The following CLCN2 variants were observed in gnomAD, a reference collection of about 807,000 sequenced individuals.
CLCN2 encodes chloride voltage-gated channel 2.
CLCN2 carries 72 observed loss-of-function variants against 108.3 expected under a neutral mutation model. That is an observed-to-expected ratio of 0.66 (90% CI 0.55 to 0.81). The LOEUF (loss-of-function observed/expected upper bound fraction) is 0.81, where lower values mean the gene tolerates loss of function less well. Among genes scored for constraint, CLCN2 ranks in the 30% least tolerant of loss-of-function variants. The probability of loss-of-function intolerance (pLI) is 0.00; values close to 1 mark genes in which losing one functional copy is unlikely to be tolerated. For missense variants in CLCN2, 1,048 were observed against 1,205.2 expected, an observed-to-expected ratio of 0.87 and a Z score of 1.93; for synonymous variants, 471 against 467.1, an observed-to-expected ratio of 1.01 and a Z score of -0.11.
At position 184,353,038 on chromosome 3, in the gene CLCN2, GGA is replaced by G. The variant is rs1560255987; in HGVS notation, c.2136_2137del (p.Pro713HisfsTer22). Reference sequence around the variant, plus strand: ...CACAGGAGACATGGGCTTACCTGTGGGACTCTCTCCGAGGTTCCTGGTGACAC... The same window carrying G: ...CACAGGAGACATGGGCTTACCTGTGGCTCTCTCCGAGGTTCCTGGTGACAC... On this transcript the variant is annotated frameshift_variant, in exon 18 of 24. Coordinates refer to ENST00000265593, the MANE Select transcript of CLCN2 (RefSeq NM_004366.6). LOFTEE classifies it high-confidence loss of function. 3.1e-6 allele frequency: 5 copies of G among 1,613,716 alleles called. No homozygotes were observed. The highest frequency in any genetic ancestry group is 4.2e-6 in the Non-Finnish European group (5 of 1,179,664).
Position 184,346,855 on chromosome 3 carries a change from C to G in CLCN2, c.2503-55G>C. On this transcript the variant is annotated intron_variant, in intron 23 of 23. Coordinates refer to ENST00000265593, the MANE Select transcript of CLCN2 (RefSeq NM_004366.6). The surrounding 1 kb of genome is among the most constrained non-coding windows in gnomAD (Gnocchi z 6.0). ...ACCCAGATGTCAGACTCCTCCCCGCCTTCCTCCCCAGGTGAGCTGGACATA... is the reference window on the plus strand; with the variant it reads ...ACCCAGATGTCAGACTCCTCCCCGCGTTCCTCCCCAGGTGAGCTGGACATA... 6.2e-7 allele frequency: 1 copy of G among 1,612,676 alleles called. No homozygotes were observed. The highest frequency in any genetic ancestry group is 2.2e-5 in the East Asian group (1 of 44,872).
intron 1 of CLCN2, 87 bp from the exon 2 acceptor site, chr3:184,359,218 T>C (rs1711664388): frequency 1.3e-6 from 2 of 1,500,746 alleles, no homozygotes; most frequent in African/African-American, 2.8e-5. Context: ...ACTCCTCTTC[T>C]CCCAGCCCCC....
In CLCN2 at chr3:184,346,683, C is replaced by T; in HGVS notation, c.2620G>A (p.Ala874Thr). The T allele has an allele frequency of 1.2e-6, 2 of 1,614,184 alleles. No individual in the cohort carries two copies. The highest frequency in any genetic ancestry group is 1.7e-6 in the Non-Finnish European group (2 of 1,180,034). The change falls in exon 24 of 24, where the codon GCA becomes ACA. Residue 874 changes from alanine to threonine, a missense_variant. By Grantham distance (58) the Ala-to-Thr change is moderately conservative. Transcript: ENST00000265593. The surrounding 1 kb of genome is among the most constrained non-coding windows in gnomAD (Gnocchi z 6.0). ...TGACGGGAGTGGGGCCCCCAGAGTG[C>T]ATGCACCTCAGTGGTCTCCGTGTCA... is the stretch of plus-strand genomic sequence containing the variant. ...SSDTETTEVH[A>T]LWGPHSRHGL...
Position 184,353,440 on chromosome 3 carries a change from A to C in CLCN2, c.1856-18T>G. 1 of 1,594,310 alleles carries C rather than the reference A, an allele frequency of 6.3e-7. No individual in the cohort carries two copies. The highest frequency in any genetic ancestry group is 2.3e-5 in the East Asian group (1 of 44,160). ...CATGGACTCTGGACAGAACAGGTGGAAGGACTCAGGAGCTGAGAGGGAGCC... is the reference window on the plus strand; with the variant it reads ...CATGGACTCTGGACAGAACAGGTGGCAGGACTCAGGAGCTGAGAGGGAGCC... On this transcript the variant is annotated intron_variant, in intron 16 of 23. Transcript: ENST00000265593.
At chr3:184,358,541 C>G in intron 3 of CLCN2, 141 bp downstream of exon 3, 3 of 1,234,420 alleles carry the variant, frequency 2.4e-6, no homozygotes, top group Non-Finnish European at 3.5e-6. Flanking sequence ...CGAGATGATG[C>G]CTGAATCTGG....
chr3:184,346,506 C>G lies in CLCN2; in HGVS notation c.*100G>C. The G allele has an allele frequency of 1.4e-6, 2 of 1,409,664 alleles. No homozygotes were observed. Among genetic ancestry groups the G allele is most frequent in the Non-Finnish European group, 2.0e-6 (2 of 1,012,786 alleles). 87.3% of individuals were successfully genotyped at this position (1,409,664 alleles called of 1,614,324 possible). ...GAGGGGGCTGGGGTGCAGCCTCCAG[C>G]TGTAGCTGCCTCCTGCCTTCCGAAG... On this transcript the variant is annotated 3_prime_UTR_variant, in exon 24 of 24. Transcript: ENST00000265593. This position sits in a 1 kb window ranked among gnomAD's most constrained non-coding sequence, Gnocchi z 6.0.
At chr3:184,347,169 TAATAAC>T (rs940643044) in intron 22 of CLCN2, 148 bp from the exon 23 acceptor site, 1 of 724,586 alleles carries the variant, frequency 1.4e-6, no homozygotes, top group Admixed American at 2.0e-5. Flanking sequence ...GGAGGGAAAA[TAATAAC>T]AATCGTAATA....
In CLCN2 at chr3:184,361,541, G is replaced by GGCCC. The variant is rs1453266464; in HGVS notation, c.-66_-63dup. 1.3e-6 allele frequency: 2 copies of GGCCC among 1,571,648 alleles called. No individual in the cohort carries two copies. The highest frequency in any genetic ancestry group is 1.7e-6 in the Non-Finnish European group (2 of 1,155,210). ...CGGCTCTGTCCTGGACTCGGCTCCC[G>GGCCC]GCCCGCAAAGTCCGCGCCGGCAGCC... On this transcript the variant is annotated 5_prime_UTR_variant, in exon 1 of 24. Transcript: ENST00000265593. This position sits in a 1 kb window ranked among gnomAD's most constrained non-coding sequence, Gnocchi z 6.6.
rs1215980338 is a variant in CLCN2, at chr3:184,355,109, C to T, written c.1327-136G>A. The T allele has an allele frequency of 7.8e-6, 7 of 891,944 alleles. No homozygotes were observed. Among genetic ancestry groups the T allele is most frequent in the Non-Finnish European group, 1.1e-5 (6 of 554,166 alleles). The allele number at this position is 891,944 out of a possible 1,614,324, so 55.3% of individuals were successfully genotyped here. ...AGCCACCCCGTAACCCTCCTAGCTA[C>T]CCTGGGACCCCCAGGCCTCCCAGGT... On this transcript the variant is annotated intron_variant, in intron 12 of 23. Coordinates refer to ENST00000265593, the MANE Select transcript of CLCN2 (RefSeq NM_004366.6). The surrounding 1 kb of genome is among the most constrained non-coding windows in gnomAD (Gnocchi z 6.3).
chr3:184,354,744 G>C (rs961220459), intron 13 of CLCN2, 86 bp from the exon 14 acceptor site: 10 of 1,347,550 alleles, frequency 7.4e-6, no homozygotes, highest in Admixed American at 1.7e-5. Context: ...GAGGGTGAGG[G>C]AGGGGCCAAC....
rs569729474 is a variant in CLCN2 at position 184,348,587 on chromosome 3, C to T, written c.2416-1566G>A. 4.6e-5 allele frequency: 7 copies of T among 151,978 alleles called. No individual in the cohort carries two copies. In the South Asian group the frequency reaches 8.3e-4, roughly 18 times the overall value. The allele number at this position is 151,978 out of a possible 1,614,324, so 9.4% of individuals were successfully genotyped here. ...TTCCTTCTGGCTAACTGGAGTCCTACGTGCTACAAGTTAGCTTTAATTTCC... is the reference window on the plus strand; with the variant it reads ...TTCCTTCTGGCTAACTGGAGTCCTATGTGCTACAAGTTAGCTTTAATTTCC... On this transcript the variant is annotated intron_variant, in intron 22 of 23. Transcript: ENST00000265593.
Position 184,353,167 on chromosome 3 carries a change from C to T in CLCN2, c.2029-20G>A, listed in dbSNP as rs1372217209. The T allele has an allele frequency of 6.2e-7, 1 of 1,613,446 alleles. No individual in the cohort carries two copies. The highest frequency in any genetic ancestry group is 1.7e-5 in the Admixed American group (1 of 60,026). ...GTTCACCTGCATAGGCAGGAAGGGG[C>T]TGGTGAGGCCACGGCCCCAGACCAC... On this transcript the variant is annotated intron_variant, in intron 17 of 23. Transcript: ENST00000265593.
chr3:184,357,571 G>A lies in CLCN2; in HGVS notation c.772+49C>T, dbSNP rs773186827. 3.7e-6 allele frequency: 6 copies of A among 1,614,000 alleles called. No homozygotes were observed. In the East Asian group the frequency reaches 6.7e-5, roughly 18 times the overall value. On this transcript the variant is annotated intron_variant, in intron 7 of 23. Coordinates refer to ENST00000265593, the MANE Select transcript of CLCN2 (RefSeq NM_004366.6). ...CAGATAAGAGGGGCCAAGGAGGAGA[G>A]GCCAAGGGCAGGGTTGTGGGGCTGG...
chr3:184,354,547 C>T lies in CLCN2; in HGVS notation c.1507+1G>A, dbSNP rs1339371922. 4 of 1,611,694 alleles carry T rather than the reference C, an allele frequency of 2.5e-6. No homozygotes were observed. The highest frequency in any genetic ancestry group is 3.4e-6 in the Non-Finnish European group (4 of 1,178,882). The stretch of plus-strand genomic sequence containing the variant: ...AGGCCGATGGGACCTGAGGCACTCA[C>T]CGACCACAGCGTAGCCCCCAGGCAC... On this transcript the variant is annotated splice_donor_variant, in intron 14 of 23. Transcript: ENST00000265593. LOFTEE classifies it high-confidence loss of function.
rs759468578 is a variant in CLCN2, at chr3:184,353,788, G to A, written c.1729C>T (p.Arg577Trp). Reference protein sequence around the residue: ...ELGWGRHQQYRVRVEDIMVRD... With the variant: ...ELGWGRHQQYWVRVEDIMVRD... ...ACCATGATGTCCTCCACACGCACCC[G>A]GTACTGCCTGGGGGCCGAGAGAGGC... Residue 577 changes from arginine to tryptophan, a missense_variant, in exon 16 of 24, where the codon CGG (arginine) becomes TGG (tryptophan). Transcript: ENST00000265593. 1.2e-6 allele frequency: 2 copies of A among 1,605,630 alleles called. No homozygotes were observed. The highest frequency in any genetic ancestry group is 1.1e-5 in the South Asian group (1 of 89,538).
At chr3:184,351,706 A>G (rs1356636053) in intron 22 of CLCN2, among the ~76,000 whole-genome samples, 2 of 152,008 alleles carry the variant, frequency 1.3e-5, no homozygotes, top group Non-Finnish European at 2.9e-5. Context: ...CCTAGCTCTG[A>G]CCCTGGCCTG....
Position 184,346,210 on chromosome 3 carries a change from T to G in CLCN2, c.*396A>C. The G allele has an allele frequency of 4.2e-6, 1 of 235,966 alleles. No homozygotes were observed. The highest frequency in any genetic ancestry group is 8.5e-6 in the Non-Finnish European group (1 of 117,992). 14.6% of individuals were successfully genotyped at this position (235,966 alleles called of 1,614,324 possible). On this transcript the variant is annotated 3_prime_UTR_variant, in exon 24 of 24. Transcript: ENST00000265593. This position sits in a 1 kb window ranked among gnomAD's most constrained non-coding sequence, Gnocchi z 6.0. Reference sequence around the variant, plus strand: ...TTCTATATATAAGTGGCTCATTAGGTGTTTATTTTGTTCTATTTAAGAATT... The same window carrying G: ...TTCTATATATAAGTGGCTCATTAGGGGTTTATTTTGTTCTATTTAAGAATT...
In CLCN2 at chr3:184,361,586, G is replaced by A; in HGVS notation, c.-107C>T. 1.6e-6 allele frequency: 2 copies of A among 1,277,584 alleles called. No homozygotes were observed. The highest frequency in any genetic ancestry group is 2.2e-6 in the Non-Finnish European group (2 of 920,896). The allele number at this position is 1,277,584 out of a possible 1,614,324, so 79.1% of individuals were successfully genotyped here. A position where few individuals can be genotyped will look rare whatever the true frequency, so the allele number is the denominator to read the frequency against. ...GCAGCCGTCCCGTCCCCGCAGCCCGGGAGGCCGAGAGCAGAGTGCGGCGGG... is the reference window on the plus strand; with the variant it reads ...GCAGCCGTCCCGTCCCCGCAGCCCGAGAGGCCGAGAGCAGAGTGCGGCGGG... On this transcript the variant is annotated 5_prime_UTR_variant, in exon 1 of 24. Transcript: ENST00000265593. This position sits in a 1 kb window ranked among gnomAD's most constrained non-coding sequence, Gnocchi z 6.6.
intron 5 of CLCN2, 29 bp from the exon 6 acceptor site, chr3:184,357,885 G>C (rs763667086): frequency 6.2e-7 from 1 of 1,613,528 alleles, no homozygotes; most frequent in Non-Finnish European, 8.5e-7. Context: ...GGTGAGTCGG[G>C]AGGGGGCCCG....
Sources: allele counts gnomAD v4.1 joint callset (sites outside exome capture counted in the v4.1 genomes callset), GRCh38; gene constraint gnomAD v4.1.1; non-coding constraint Gnocchi (gnomAD v3.1); transcripts MANE v1.5; gene names NCBI Gene and HGNC (gene_info 2026-07-23, HGNC 2026-07-21).